The following CYP39A1 variants were observed in gnomAD, a reference collection of about 807,000 sequenced individuals.
CYP39A1 encodes cytochrome P450 family 39 subfamily A member 1.
Under a neutral mutation model 58.1 loss-of-function variants are expected in CYP39A1, and 49 were observed. The observed-to-expected ratio is 0.84, with a 90% CI of 0.67 to 1.07. The LOEUF is 1.07. CYP39A1 is among the 50% of genes least tolerant of loss of function. The pLI is 0.00. For missense variants in CYP39A1, 531 were observed against 539.4 expected, an observed-to-expected ratio of 0.98 and a Z score of 0.16; for synonymous variants, 209 against 187.6, an observed-to-expected ratio of 1.11 and a Z score of -0.93.
At chr6:46,587,002 C>A in intron 10 of CYP39A1, 75 bp downstream of exon 10, 4 of 998,250 alleles carry the variant, frequency 4.0e-6, no homozygotes, top group Non-Finnish European at 6.2e-6. Context: ...AGAGATTAAG[C>A]CAAAGTTGTT....
At chr6:46,619,094 G>A (rs983487136) in intron 7 of CYP39A1, among the ~76,000 whole-genome samples, 1 of 152,124 alleles carries the variant, frequency 6.6e-6, no homozygotes, top group Middle Eastern at 3.4e-3. Context: ...TCCTAATAAA[G>A]GATCTAGCTC....
chr6:46,605,724 C>T (rs1011060232), intron 7 of CYP39A1, among the ~76,000 whole-genome samples: 1 of 152,166 alleles, frequency 6.6e-6, no homozygotes, highest in South Asian at 2.1e-4. Context: ...AAACAATTTA[C>T]CTTTATTTTA....
At chr6:46,571,775 A>G (rs1313250432) in intron 10 of CYP39A1, among the ~76,000 whole-genome samples, 1 of 151,650 alleles carries the variant, frequency 6.6e-6, no homozygotes, top group Admixed American at 6.6e-5. Context: ...TTTTGTAAAA[A>G]TTTTCTGTTT....
chr6:46,591,558 T>C (rs1224115123), intron 8 of CYP39A1, among the ~76,000 whole-genome samples: 1 of 152,076 alleles, frequency 6.6e-6, no homozygotes, highest in Non-Finnish European at 1.5e-5. Context: ...TTTGTTATTT[T>C]AAATGAATCA....
chr6:46,609,373 C>T (rs1327878816), intron 7 of CYP39A1, among the ~76,000 whole-genome samples: 10 of 149,050 alleles, frequency 6.7e-5, no homozygotes, highest in East Asian at 2.0e-4. Context: ...ACTGAGTCCG[C>T]GCCACTGCAC....
intron 10 of CYP39A1, among the ~76,000 whole-genome samples, chr6:46,569,594 T>G (rs1051017386): frequency 2.6e-5 from 4 of 152,096 alleles, no homozygotes; most frequent in South Asian, 2.1e-4. Context: ...ATGATAAATT[T>G]TTTCAAATGC....
Position 46,589,884 on chromosome 6 carries a change from A to G in CYP39A1, c.1066-1755T>C, listed in dbSNP as rs116364376. On this transcript the variant is annotated intron_variant, in intron 8 of 11. Coordinates refer to ENST00000275016, the MANE Select transcript of CYP39A1 (RefSeq NM_016593.5). ...CCTCTTAAGTTGCTGTTGACCTGTG[A>G]TCATGACTTGGAGGCTGCTGACTGT... Among the ~76,000 whole-genome samples the G allele has an allele frequency of 9.6e-4, 146 of 152,218 alleles. 1 individual carries two copies. Among genetic ancestry groups the G allele is most frequent in the African/African-American group, 3.4e-3 (143 of 41,542 alleles).
At chr6:46,572,637 G>A (rs1036018572) in intron 10 of CYP39A1, among the ~76,000 whole-genome samples, 1 of 152,094 alleles carries the variant, frequency 6.6e-6, no homozygotes, top group East Asian at 1.9e-4. Flanking sequence ...AGGTGTCATG[G>A]TGAAGTTCTC....
At chr6:46,568,491 G>A (rs1771411908) in intron 10 of CYP39A1, among the ~76,000 whole-genome samples, 3 of 144,736 alleles carry the variant, frequency 2.1e-5, no homozygotes, top group Admixed American at 2.1e-4. Context: ...ATGTCATAAA[G>A]CTTGTGCTCT....
chr6:46,566,193 G>C (rs935317061), intron 10 of CYP39A1, among the ~76,000 whole-genome samples: 1 of 152,128 alleles, frequency 6.6e-6, no homozygotes, highest in Non-Finnish European at 1.5e-5. Context: ...GTGATCCTAT[G>C]GTTACTCCTC....
chr6:46,614,665 A>G lies in CYP39A1; in HGVS notation c.931+10753T>C, dbSNP rs143045011. ...TTTTTTCTCCATATTGGACATTCTG[A>G]TCATTACACTTTCTATATTTTATCA... is the stretch of plus-strand genomic sequence containing the variant. On this transcript the variant is annotated intron_variant, in intron 7 of 11. Transcript: ENST00000275016. 2.1e-3 allele frequency among the ~76,000 whole-genome samples: 314 copies of G among 152,256 alleles called. 2 individuals carry two copies. Among genetic ancestry groups the G allele is most frequent in the African/African-American group, 7.4e-3 (308 of 41,556 alleles).
At chr6:46,642,874 G>A (rs1450959255) in intron 1 of CYP39A1, among the ~76,000 whole-genome samples, 3 of 152,114 alleles carry the variant, frequency 2.0e-5, no homozygotes, top group African/African-American at 7.2e-5. Context: ...ATCAAGTAGC[G>A]GTCTCAGTTT....
intron 10 of CYP39A1, among the ~76,000 whole-genome samples, chr6:46,570,190 C>G (rs1033051770): frequency 6.6e-6 from 1 of 151,940 alleles, no homozygotes; most frequent in Non-Finnish European, 1.5e-5. Context: ...ATCTGTTGTC[C>G]TCCTTCACTT....
At chr6:46,562,126 G>GA (rs112927538) in intron 10 of CYP39A1, among the ~76,000 whole-genome samples, 28,318 of 151,944 alleles carry the variant, frequency 0.19, 5,226 homozygotes, top group African/African-American at 0.47. Flanking sequence ...GGGTTCAAGT[G>GA]ATTCTCCTCC....
chr6:46,624,876 T>C (rs1025793186), intron 7 of CYP39A1, among the ~76,000 whole-genome samples: 3 of 152,148 alleles, frequency 2.0e-5, no homozygotes, highest in Non-Finnish European at 1.5e-5. Context: ...AAGGCAACAA[T>C]CCCTATTTGC....
chr6:46,652,327 C>A, intron 1 of CYP39A1, 79 bp downstream of exon 1: 1 of 1,389,278 alleles, frequency 7.2e-7, no homozygotes, highest in Non-Finnish European at 9.8e-7. Context: ...TCTAGCCCTG[C>A]ACTTAAGAGT....
intron 9 of CYP39A1, among the ~76,000 whole-genome samples, chr6:46,587,729 T>C (rs1272742581): frequency 1.3e-5 from 2 of 152,178 alleles, no homozygotes; most frequent in African/African-American, 4.8e-5. Flanking sequence ...AGCAATTGCC[T>C]GAAGAACATG....
intron 1 of CYP39A1, among the ~76,000 whole-genome samples, chr6:46,647,468 A>G (rs767500003): frequency 2.0e-5 from 3 of 152,210 alleles, no homozygotes; most frequent in Non-Finnish European, 4.4e-5. Flanking sequence ...TAATTTACCT[A>G]TTTTAATGTA....
intron 7 of CYP39A1, among the ~76,000 whole-genome samples, chr6:46,613,762 C>A (rs1463670456): frequency 6.7e-5 from 10 of 148,702 alleles, no homozygotes; most frequent in Non-Finnish European, 8.9e-5. Context: ...ACAGTGGGAG[C>A]CCTGAATTAG....
Sources: allele counts gnomAD v4.1 joint callset (sites outside exome capture counted in the v4.1 genomes callset), GRCh38; gene constraint gnomAD v4.1.1; transcripts MANE v1.5; gene names NCBI Gene and HGNC (gene_info 2026-07-23, HGNC 2026-07-21).